MCC: variants seen among roughly 807,000 people sequenced by gnomAD.
MCC encodes the protein colorectal mutant cancer protein.
A neutral mutation model predicts 116.2 loss-of-function variants in MCC; 90 were observed. That is an observed-to-expected ratio of 0.77 (90% CI 0.65 to 0.92). MCC has a LOEUF of 0.92. Among genes scored for constraint, MCC ranks in the 40% least tolerant of loss-of-function variants. MCC has a pLI of 0.00. For synonymous variants in MCC, 578 were observed against 510.5 expected (o/e 1.13, Z -1.78); for missense variants, 1,516 against 1,312.2 (o/e 1.16, Z -2.40).
intron 5 of MCC, among the ~76,000 whole-genome samples, chr5:113,137,597 A>G (rs114284087): frequency 0.011 from 1,666 of 152,168 alleles, 41 homozygotes; most frequent in African/African-American, 0.038. Flanking sequence ...GTTTGCTAGT[A>G]TTTTGTTGAG....
chr5:113,193,601 T>C (rs1049497547), intron 3 of MCC, among the ~76,000 whole-genome samples: 2 of 152,218 alleles, frequency 1.3e-5, no homozygotes, highest in African/African-American at 4.8e-5. Flanking sequence ...GGTGTGGGTG[T>C]ATGTACTTCA....
chr5:113,057,123 G>C (rs1752886582), intron 14 of MCC, among the ~76,000 whole-genome samples: 1 of 152,230 alleles, frequency 6.6e-6, no homozygotes, highest in African/African-American at 2.4e-5. Context: ...GAACGAGATG[G>C]TGACTGAAGC....
chr5:113,269,505 A>G (rs1424978945), intron 3 of MCC, among the ~76,000 whole-genome samples: 2 of 152,178 alleles, frequency 1.3e-5, no homozygotes, highest in African/African-American at 4.8e-5. Context: ...AATCTGATTA[A>G]TGTTATTCAG....
At chr5:113,211,529 G>A (rs1009849887) in intron 3 of MCC, among the ~76,000 whole-genome samples, 1 of 152,194 alleles carries the variant, frequency 6.6e-6, no homozygotes, top group Non-Finnish European at 1.5e-5. Flanking sequence ...CACTGGCTTG[G>A]GGGGTTCTTG....
At chr5:113,124,454 T>G (rs1315112387) in intron 5 of MCC, among the ~76,000 whole-genome samples, 1 of 152,222 alleles carries the variant, frequency 6.6e-6, no homozygotes. Flanking sequence ...CAGCCGAGAC[T>G]TTTTTGCAGC....
At chr5:113,104,849 G>C (rs1362325895) in intron 6 of MCC, among the ~76,000 whole-genome samples, 1 of 152,172 alleles carries the variant, frequency 6.6e-6, no homozygotes, top group East Asian at 1.9e-4. Flanking sequence ...TTCCATGATA[G>C]AACCAATCAA....
At chr5:113,287,617 G>C (rs377200225) in intron 3 of MCC, among the ~76,000 whole-genome samples, 7 of 152,094 alleles carry the variant, frequency 4.6e-5, no homozygotes, top group Admixed American at 1.3e-4. Flanking sequence ...GAGCCACCAC[G>C]CCCAGCCCAT....
chr5:113,154,072 T>C (rs1275344783), intron 3 of MCC, among the ~76,000 whole-genome samples: 1 of 152,242 alleles, frequency 6.6e-6, no homozygotes, highest in Non-Finnish European at 1.5e-5. Context: ...AGAAAGAGCA[T>C]TCTCATGTTT....
At chr5:113,068,965 C>G (rs1379063836) in intron 12 of MCC, among the ~76,000 whole-genome samples, 1 of 152,222 alleles carries the variant, frequency 6.6e-6, no homozygotes, top group Non-Finnish European at 1.5e-5. Context: ...CAATAGGTAG[C>G]TGATATAACA....
chr5:113,084,134 C>T lies in MCC; in HGVS notation c.1602G>A (p.Arg534=), dbSNP rs1755043097. Residue 534 remains arginine (R), a synonymous_variant, in exon 10 of 19, where the codon CGG becomes CGA. Coordinates refer to ENST00000408903, the MANE Select transcript of MCC (RefSeq NM_001085377.2). ...KTRSESSSSD[R]PVLGSEISSI... is the part of the protein sequence containing the mutation. ...TACTGATTTCTGAGCCCAGGACTGG[C>T]CGATCAGATGATGACGATTCGGACC... 6.2e-7 allele frequency: 1 copy of T among 1,614,052 alleles called. No homozygotes were observed. Among genetic ancestry groups the T allele is most frequent in the African/African-American group, 1.3e-5 (1 of 74,932 alleles).
intron 6 of MCC, among the ~76,000 whole-genome samples, chr5:113,108,220 C>A (rs546615728): frequency 2.0e-5 from 3 of 151,030 alleles, no homozygotes; most frequent in Admixed American, 1.3e-4. Flanking sequence ...TGGCGCACAC[C>A]TGTAATGGAG....
intron 4 of MCC, among the ~76,000 whole-genome samples, chr5:113,145,591 C>T (rs1371415546): frequency 6.6e-6 from 1 of 152,134 alleles, no homozygotes; most frequent in African/African-American, 2.4e-5. Context: ...GGCACACCAT[C>T]AATAAAAACC....
intron 3 of MCC, among the ~76,000 whole-genome samples, chr5:113,253,513 A>G (rs183533589): frequency 7.4e-4 from 113 of 152,240 alleles, no homozygotes; most frequent in African/African-American, 2.6e-3. Flanking sequence ...TTGACATACT[A>G]TGCCCTCAAT....
intron 17 of MCC, among the ~76,000 whole-genome samples, chr5:113,029,818 C>G (rs1317720803): frequency 1.3e-5 from 2 of 152,200 alleles, no homozygotes; most frequent in Non-Finnish European, 2.9e-5. Flanking sequence ...ATCCTTCTAT[C>G]ACATGCACAG....
intron 1 of MCC, among the ~76,000 whole-genome samples, chr5:113,443,628 G>T (rs1771114527): frequency 6.6e-6 from 1 of 152,060 alleles, no homozygotes; most frequent in Non-Finnish European, 1.5e-5. Context: ...TATTGGCTGT[G>T]GGTTTGTCAT....
intron 5 of MCC, among the ~76,000 whole-genome samples, chr5:113,136,945 G>A (rs1452286388): frequency 1.3e-5 from 2 of 152,168 alleles, no homozygotes; most frequent in African/African-American, 2.4e-5. Flanking sequence ...AGTCTTTAGA[G>A]GAAAGGCCTT....
intron 3 of MCC, among the ~76,000 whole-genome samples, chr5:113,266,048 T>C (rs1050501970): frequency 6.6e-6 from 1 of 152,074 alleles, no homozygotes; most frequent in African/African-American, 2.4e-5. Flanking sequence ...ACCCTCACAG[T>C]ATGGGGCAGT....
chr5:113,300,883 A>C (rs1766845683), intron 3 of MCC, among the ~76,000 whole-genome samples: 1 of 152,232 alleles, frequency 6.6e-6, no homozygotes, highest in South Asian at 2.1e-4. Context: ...CTCAGGAAGC[A>C]TTGCAATGAA....
chr5:113,185,498 G>A (rs192635100), intron 3 of MCC, among the ~76,000 whole-genome samples: 1 of 152,270 alleles, frequency 6.6e-6, no homozygotes, highest in East Asian at 1.9e-4. Context: ...GACACATGAT[G>A]TCCCAACCAA....
Sources: gnomAD v4.1 joint callset for allele counts (sites outside exome capture counted in the v4.1 genomes callset) on GRCh38, gnomAD v4.1.1 for gene constraint, MANE v1.5 for transcripts, NCBI Gene and HGNC (gene_info 2026-07-23, HGNC 2026-07-21) for gene names.